The following ABHD16A variants were observed in gnomAD, a reference collection of about 807,000 sequenced individuals.
ABHD16A encodes phosphatidylserine lipase ABHD16A.
Under a neutral mutation model 89.8 loss-of-function variants are expected in ABHD16A, and 47 were observed. That is an observed-to-expected ratio of 0.52 (90% CI 0.41 to 0.67). The LOEUF is 0.67. Ranked by LOEUF, ABHD16A falls within the 30% of genes least tolerant of loss-of-function variation. ABHD16A has a pLI of 0.00. For synonymous variants in ABHD16A, 251 were observed against 280.4 expected (o/e 0.90, Z 1.05); for missense variants, 580 against 734.6 (o/e 0.79, Z 2.43).
At chr6:31,694,408 T>TTTTTTTTTTA (rs9279388) in intron 5 of ABHD16A, among the ~76,000 whole-genome samples, 1 of 120,218 alleles carries the variant, frequency 8.3e-6, no homozygotes, top group Admixed American at 8.8e-5. Flanking sequence ...TTTTTTTTTT[T>TTTTTTTTTTA]GAGATGGAGT....
Position 31,691,905 on chromosome 6 carries a change from G to A in ABHD16A, c.640C>T (p.His214Tyr), listed in dbSNP as rs1157323531. The A allele has an allele frequency of 6.2e-7, 1 of 1,607,996 alleles. No homozygotes were observed. The highest frequency in any genetic ancestry group is 1.1e-5 in the South Asian group (1 of 90,338). ...PCQITSYLVA[H>Y]TLGRRMLYPG... ...TACAGCATCCGGCGCCCTAGGGTGTGCGCCACCAGGTAGCTGTGGGGAACA... is the reference window on the plus strand; with the variant it reads ...TACAGCATCCGGCGCCCTAGGGTGTACGCCACCAGGTAGCTGTGGGGAACA... Residue 214 changes from histidine to tyrosine, a missense_variant, in exon 8 of 20, where the codon CAC becomes TAC. This residue lies in a region of ABHD16A where 415 missense variants were observed against 568.8 expected (regional missense o/e 0.73). Coordinates refer to ENST00000395952, the MANE Select transcript of ABHD16A (RefSeq NM_021160.3).
Position 31,690,277 on chromosome 6 carries a change from G to T in ABHD16A, c.908-150C>A. The T allele has an allele frequency of 1.3e-6, 1 of 751,640 alleles. No homozygotes were observed. The allele number at this position is 751,640 out of a possible 1,614,324, so 46.6% of individuals were successfully genotyped here. Reference sequence around the variant, plus strand: ...TAGGAGATGACACCAGAGGTTCTGAGGCAGCACAGGGAGCAGCATGTGATT... The same window carrying T: ...TAGGAGATGACACCAGAGGTTCTGATGCAGCACAGGGAGCAGCATGTGATT... On this transcript the variant is annotated intron_variant, in intron 10 of 19. Transcript: ENST00000395952. The surrounding 1 kb of genome is among the most constrained non-coding windows in gnomAD (Gnocchi z 4.1).
chr6:31,687,379 C>T lies in ABHD16A; in HGVS notation c.1594-84G>A, dbSNP rs1045359156. ...GGACTCCCTCCCCACCCTCCACTTCCGCATCCACCACCCACTCTACAAAAG... is the reference window on the plus strand; with the variant it reads ...GGACTCCCTCCCCACCCTCCACTTCTGCATCCACCACCCACTCTACAAAAG... On this transcript the variant is annotated intron_variant, in intron 19 of 19. Transcript: ENST00000395952. The surrounding 1 kb of genome is among the most constrained non-coding windows in gnomAD (Gnocchi z 6.3). 1.3e-5 allele frequency: 20 copies of T among 1,596,702 alleles called. No individual in the cohort carries two copies. Among genetic ancestry groups the T allele is most frequent in the South Asian group, 1.1e-4 (10 of 90,678 alleles).
chr6:31,695,539 C>T (rs1213187156), intron 5 of ABHD16A, among the ~76,000 whole-genome samples: 1 of 151,638 alleles, frequency 6.6e-6, no homozygotes, highest in Non-Finnish European at 1.5e-5. Context: ...GCCTGACCAA[C>T]ACAGCTAAAC....
At position 31,698,898 on chromosome 6, in the gene ABHD16A, T is replaced by C. The variant is rs1804638382; in HGVS notation, c.344-1865A>G. Among the ~76,000 whole-genome samples the C allele has an allele frequency of 6.6e-6, 1 of 152,188 alleles. No homozygotes were observed. The highest frequency in any genetic ancestry group is 1.5e-5 in the Non-Finnish European group (1 of 68,028). ...CCCATCACCTGGTTGTCATCTTATGTACCCACTAGGGGTAGGTGATCTGTC... is the reference window on the plus strand; with the variant it reads ...CCCATCACCTGGTTGTCATCTTATGCACCCACTAGGGGTAGGTGATCTGTC... On this transcript the variant is annotated intron_variant, in intron 4 of 19. Transcript: ENST00000395952. The surrounding 1 kb of genome is among the most constrained non-coding windows in gnomAD (Gnocchi z 4.1).
chr6:31,688,620 G>T lies in ABHD16A; in HGVS notation c.1250+103C>A. On this transcript the variant is annotated intron_variant, in intron 14 of 19. Coordinates refer to ENST00000395952, the MANE Select transcript of ABHD16A (RefSeq NM_021160.3). The surrounding 1 kb of genome is among the most constrained non-coding windows in gnomAD (Gnocchi z 4.9). ...GGGTCACTCAGGATGTGAGCCAGTG[G>T]CCTTTTACCAACTTGCACTTTAGTA... The T allele has an allele frequency of 7.4e-7, 1 of 1,346,822 alleles. No individual in the cohort carries two copies. Among genetic ancestry groups the T allele is most frequent in the Non-Finnish European group, 1.0e-6 (1 of 959,198 alleles). 83.4% of individuals were successfully genotyped at this position (1,346,822 alleles called of 1,614,324 possible). A position where few individuals can be genotyped will look rare whatever the true frequency, so the allele number is the denominator to read the frequency against.
intron 1 of ABHD16A, chr6:31,702,834 G>A: frequency 2.2e-6 from 3 of 1,394,090 alleles, no homozygotes; most frequent in Non-Finnish European, 2.8e-6. Flanking sequence ...CCCAGTCCGC[G>A]CAGGGTCTCT....
chr6:31,703,030 G>T, intron 1 of ABHD16A, 120 bp downstream of exon 1: 1 of 1,362,986 alleles, frequency 7.3e-7, no homozygotes, highest in South Asian at 2.1e-5. Flanking sequence ...CAGATTTTGC[G>T]GATAACTGGC....
In ABHD16A at chr6:31,688,166, AG is replaced by A; in HGVS notation, c.1308-64del. On this transcript the variant is annotated intron_variant, in intron 15 of 19. Coordinates refer to ENST00000395952, the MANE Select transcript of ABHD16A (RefSeq NM_021160.3). This position sits in a 1 kb window ranked among gnomAD's most constrained non-coding sequence, Gnocchi z 4.9. Reference sequence around the variant, plus strand: ...GTTAGGAGGAAGGGTCTAGATACCCAGGTTTCTGGTGGGCAGAGGTAGAAGG... The same window carrying A: ...GTTAGGAGGAAGGGTCTAGATACCCAGTTTCTGGTGGGCAGAGGTAGAAGG... 3.7e-6 allele frequency: 6 copies of A among 1,605,520 alleles called. No homozygotes were observed. The highest frequency in any genetic ancestry group is 5.1e-6 in the Non-Finnish European group (6 of 1,173,640).
intron 12 of ABHD16A, 29 bp downstream of exon 12, chr6:31,689,552 A>G: frequency 6.4e-7 from 1 of 1,556,174 alleles, no homozygotes; most frequent in Non-Finnish European, 8.7e-7. Context: ...GAATGTGTCT[A>G]CAGTGGGGGA....
chr6:31,699,408 CAAAAAAAAAAA>C (rs9281558), intron 4 of ABHD16A, among the ~76,000 whole-genome samples: 1 of 54,266 alleles, frequency 1.8e-5, no homozygotes, highest in African/African-American at 6.3e-5. Flanking sequence ...GACTCCGTCT[CAAAAAAAAAAA>C]AAAAAAAAAA....
At position 31,687,102 on chromosome 6, in the gene ABHD16A, A is replaced by C; in HGVS notation, c.*110T>G. On this transcript the variant is annotated 3_prime_UTR_variant, in exon 20 of 20. Transcript: ENST00000395952. This position sits in a 1 kb window ranked among gnomAD's most constrained non-coding sequence, Gnocchi z 6.3. ...GTGGTGAGAAGGGGGATGGTCCCCC[A>C]CTTTCCACAAACTATAAACAGCAAC... 9.1e-7 allele frequency: 1 copy of C among 1,099,720 alleles called. No individual in the cohort carries two copies. The highest frequency in any genetic ancestry group is 1.3e-6 in the Non-Finnish European group (1 of 759,386). 68.1% of individuals were successfully genotyped at this position (1,099,720 alleles called of 1,614,324 possible). A position where few individuals can be genotyped will look rare whatever the true frequency, so the allele number is the denominator to read the frequency against.
At position 31,688,642 on chromosome 6, in the gene ABHD16A, A is replaced by G. The variant is rs543703392; in HGVS notation, c.1250+81T>C. ...GTGGCCTTTTACCAACTTGCACTTT[A>G]GTACTAGTTTCAGGGTTTGAGCGCC... On this transcript the variant is annotated intron_variant, in intron 14 of 19. Transcript: ENST00000395952. The surrounding 1 kb of genome is among the most constrained non-coding windows in gnomAD (Gnocchi z 4.9). 80 of 1,507,740 alleles carry G rather than the reference A, an allele frequency of 5.3e-5. 1 individual carries two copies. The East Asian group carries it at 1.5e-3, about 28-fold the overall frequency. 93.4% of individuals were successfully genotyped at this position (1,507,740 alleles called of 1,614,324 possible). A position where few individuals can be genotyped will look rare whatever the true frequency, so the allele number is the denominator to read the frequency against.
Position 31,703,130 on chromosome 6 carries a change from T to G in ABHD16A, c.132+20A>C. The G allele has an allele frequency of 7.1e-7, 1 of 1,414,064 alleles. No individual in the cohort carries two copies. Among genetic ancestry groups the G allele is most frequent in the Non-Finnish European group, 9.3e-7 (1 of 1,075,918 alleles). The allele number at this position is 1,414,064 out of a possible 1,614,324, so 87.6% of individuals were successfully genotyped here. On this transcript the variant is annotated intron_variant, in intron 1 of 19. Coordinates refer to ENST00000395952, the MANE Select transcript of ABHD16A (RefSeq NM_021160.3). ...GTTTGGACTGTACCACGTTCTTCGG[T>G]GGGGAGGAACTCGACTCACCCAGGA... is the stretch of plus-strand genomic sequence containing the variant.
Position 31,690,905 on chromosome 6 carries a change from C to T in ABHD16A, c.844-303G>A, listed in dbSNP as rs751550249. On this transcript the variant is annotated intron_variant, in intron 9 of 19. Transcript: ENST00000395952. The surrounding 1 kb of genome is among the most constrained non-coding windows in gnomAD (Gnocchi z 4.1). ...GGAGATGTTTTTCCTTTCTCGTTTT[C>T]GGGTCTGTTATCTTCTGTGACCATT... Among the ~76,000 whole-genome samples, 1 of 152,268 alleles carries T rather than the reference C, an allele frequency of 6.6e-6. No homozygotes were observed.
At chr6:31,696,892 C>T (rs936286654) in intron 5 of ABHD16A, 56 bp downstream of exon 5, 29 of 1,521,950 alleles carry the variant, frequency 1.9e-5, no homozygotes, top group Admixed American at 1.5e-4. Context: ...CTCTGAGGGA[C>T]AACTGAGAAA....
Position 31,691,681 on chromosome 6 carries a change from C to CT in ABHD16A, c.742-2dup. 1 of 1,555,718 alleles carries CT rather than the reference C, an allele frequency of 6.4e-7. No individual in the cohort carries two copies. The highest frequency in any genetic ancestry group is 8.7e-7 in the Non-Finnish European group (1 of 1,151,466). On this transcript the variant is annotated splice_acceptor_variant, in intron 8 of 19. Transcript: ENST00000395952. LOFTEE classifies it high-confidence loss of function. Reference sequence around the variant, plus strand: ...GCAGCTTTGCCCGGCGCCCATTACACTGAGTACGGAAGACGCAATGGCCAA... The same window carrying CT: ...GCAGCTTTGCCCGGCGCCCATTACACTTGAGTACGGAAGACGCAATGGCCAA...
Position 31,693,121 on chromosome 6 carries a change from G to T in ABHD16A, c.532C>A (p.Arg178=), listed in dbSNP as rs377315080. The part of the protein sequence containing the change: ...RKESRGGPSR[R]GVALLRPEPL... ...TCTGGGCGAAGCAGGGCCACACCCC[G>T]GCGGGAAGGGCCCCCTCGAGACTCC... Residue 178 remains arginine (R), a synonymous_variant, in exon 7 of 20, where the codon CGG becomes AGG. Transcript: ENST00000395952. The surrounding 1 kb of genome is among the most constrained non-coding windows in gnomAD (Gnocchi z 5.0). 9.2e-5 allele frequency: 149 copies of T among 1,613,766 alleles called. No homozygotes were observed. The highest frequency in any genetic ancestry group is 1.2e-4 in the Non-Finnish European group (137 of 1,179,900).
At position 31,698,336 on chromosome 6, in the gene ABHD16A, C is replaced by T. The variant is rs1437288188; in HGVS notation, c.344-1303G>A. On this transcript the variant is annotated intron_variant, in intron 4 of 19. Transcript: ENST00000395952. This position sits in a 1 kb window ranked among gnomAD's most constrained non-coding sequence, Gnocchi z 4.1. ...ACTGAAAGGATTCCAATGGGAACTC[C>T]AACCCTAACTGTGGTGCTTTAGTAT... Among the ~76,000 whole-genome samples the T allele has an allele frequency of 6.6e-6, 1 of 151,230 alleles. No homozygotes were observed.
Sources: gnomAD v4.1 joint callset for allele counts (sites outside exome capture counted in the v4.1 genomes callset) on GRCh38, gnomAD v4.1.1 for gene constraint, gnomAD v4.1.1 regional missense constraint, Gnocchi (gnomAD v3.1) non-coding constraint, MANE v1.5 for transcripts, NCBI Gene and HGNC (gene_info 2026-07-23, HGNC 2026-07-21) for gene names.